The following SAMD12 variants were observed in gnomAD, a reference collection of about 807,000 sequenced individuals.
SAMD12 encodes the protein sterile alpha motif domain-containing protein 12.
Under a neutral mutation model 15.0 loss-of-function variants are expected in SAMD12, and 9 were observed. The observed-to-expected ratio is 0.60, with a 90% CI of 0.36 to 1.05. The LOEUF is 1.05. Among genes scored for constraint, SAMD12 ranks in the 50% least tolerant of loss-of-function variants. SAMD12 has a pLI of 0.01. For missense variants in SAMD12, 230 were observed against 234.2 expected (o/e 0.98, Z 0.12); for synonymous variants, 86 against 90.1 (o/e 0.96, Z 0.25).
the SAMD12 span, among the ~76,000 whole-genome samples, chr8:118,143,775 A>G: frequency 6.6e-6 from 1 of 152,284 alleles, no homozygotes; most frequent in African/African-American, 2.4e-5. Flanking sequence ...ATATCCTAAC[A>G]TGCCATAGAA....
chr8:118,256,814 A>G (rs903252556), intron 4 of SAMD12, among the ~76,000 whole-genome samples: 1 of 148,302 alleles, frequency 6.7e-6, no homozygotes, highest in African/African-American at 2.6e-5. Flanking sequence ...ACACACACAC[A>G]CACACACGCA....
At chr8:118,218,675 A>G (rs911538135) in intron 4 of SAMD12, among the ~76,000 whole-genome samples, 2 of 152,174 alleles carry the variant, frequency 1.3e-5, no homozygotes, top group Non-Finnish European at 2.9e-5. Context: ...CTCCAGGTTC[A>G]TCTATGTTAT....
At chr8:118,424,803 C>T (rs1164080334) in intron 3 of SAMD12, among the ~76,000 whole-genome samples, 2 of 152,124 alleles carry the variant, frequency 1.3e-5, no homozygotes, top group East Asian at 3.8e-4. Context: ...ATAAATGACG[C>T]CATCTAAAGG....
chr8:118,135,309 G>A, the SAMD12 span, among the ~76,000 whole-genome samples: 2 of 151,914 alleles, frequency 1.3e-5, no homozygotes, highest in Non-Finnish European at 2.9e-5. Context: ...AGCCTCCTGA[G>A]TAGCTGGGAT....
At chr8:118,169,619 T>C in the SAMD12 span, among the ~76,000 whole-genome samples, 3 of 152,206 alleles carry the variant, frequency 2.0e-5, no homozygotes, top group Non-Finnish European at 4.4e-5. Context: ...TGCACCAATG[T>C]TATGTGCAGA....
At chr8:118,150,676 T>C in the SAMD12 span, among the ~76,000 whole-genome samples, 2 of 152,206 alleles carry the variant, frequency 1.3e-5, no homozygotes, top group Non-Finnish European at 2.9e-5. Flanking sequence ...GACATTATTA[T>C]TGTTGCTTTA....
chr8:118,553,852 C>T (rs1437935742), intron 2 of SAMD12, among the ~76,000 whole-genome samples: 30 of 147,390 alleles, frequency 2.0e-4, no homozygotes, highest in Non-Finnish European at 3.8e-4. Context: ...AACAAACAAC[C>T]CCATCAAAAA....
the SAMD12 span, among the ~76,000 whole-genome samples, chr8:118,152,299 C>A: frequency 6.6e-6 from 1 of 152,126 alleles, no homozygotes; most frequent in African/African-American, 2.4e-5. Context: ...ACCACCCCCA[C>A]CAAAAAGTAA....
At chr8:118,484,891 T>C (rs969565523) in intron 2 of SAMD12, among the ~76,000 whole-genome samples, 1 of 152,178 alleles carries the variant, frequency 6.6e-6, no homozygotes, top group Non-Finnish European at 1.5e-5. Context: ...TTATGAAATA[T>C]TTGCTCTGGG....
chr8:118,157,519 A>G, the SAMD12 span, among the ~76,000 whole-genome samples: 1 of 152,178 alleles, frequency 6.6e-6, no homozygotes, highest in African/African-American at 2.4e-5. Flanking sequence ...CATGTGAAAA[A>G]CATTTATATT....
chr8:118,523,083 T>C (rs1293070882), intron 2 of SAMD12, among the ~76,000 whole-genome samples: 1 of 152,202 alleles, frequency 6.6e-6, no homozygotes, highest in Non-Finnish European at 1.5e-5. Flanking sequence ...ATATTTCATA[T>C]CTGAAAATAG....
chr8:118,379,617 G>T lies in SAMD12; in HGVS notation c.406C>A (p.Gln136Lys), dbSNP rs781327700. 14 of 1,613,840 alleles carry T rather than the reference G, an allele frequency of 8.7e-6. No individual in the cohort carries two copies. In the Admixed American group the frequency reaches 2.0e-4, roughly 23 times the overall value. ...QENLRQHILQ[Q>K]VLQLKVREEV... ...TCTCGCACCTTCAGCTGGAGCACCTGTTGTAAGATGTGCTGCCGGAGGTTC... is the reference window on the plus strand; with the variant it reads ...TCTCGCACCTTCAGCTGGAGCACCTTTTGTAAGATGTGCTGCCGGAGGTTC... The change falls in exon 4 of 4, where the codon CAG becomes AAG. Residue 136 changes from glutamine to lysine, a missense_variant. Physicochemically the swap from Gln to Lys is moderately conservative, Grantham distance 53. Coordinates refer to ENST00000314727, the MANE Select transcript of SAMD12 (RefSeq NM_207506.3).
At chr8:118,567,029 CA>C in intron 2 of SAMD12, among the ~76,000 whole-genome samples, 1 of 152,094 alleles carries the variant, frequency 6.6e-6, no homozygotes, top group East Asian at 1.9e-4. Context: ...AAGGTGATAG[CA>C]AAAATAACAA....
intron 4 of SAMD12, among the ~76,000 whole-genome samples, chr8:118,278,690 C>T (rs1422026397): frequency 3.3e-5 from 5 of 152,164 alleles, no homozygotes; most frequent in African/African-American, 1.2e-4. Context: ...ACTCTCAAGC[C>T]ATATGAGAAG....
intron 3 of SAMD12, among the ~76,000 whole-genome samples, chr8:118,403,894 A>G (rs1820989949): frequency 6.6e-6 from 1 of 152,224 alleles, no homozygotes; most frequent in Non-Finnish European, 1.5e-5. Context: ...AGGTATTTCC[A>G]TATCTTTGCA....
intron 2 of SAMD12, among the ~76,000 whole-genome samples, chr8:118,578,722 A>G (rs571627971): frequency 9.9e-5 from 15 of 152,120 alleles, no homozygotes; most frequent in Non-Finnish European, 2.1e-4. Context: ...AGTAATTTTA[A>G]CTGTTCCCCC....
intron 2 of SAMD12, among the ~76,000 whole-genome samples, chr8:118,447,916 G>A (rs1288889407): frequency 1.3e-5 from 2 of 151,314 alleles, no homozygotes; most frequent in Non-Finnish European, 2.9e-5. Context: ...TTTTAGTAGA[G>A]ACGGGGTTTC....
chr8:118,478,680 C>T (rs562770952), intron 2 of SAMD12, among the ~76,000 whole-genome samples: 1 of 152,322 alleles, frequency 6.6e-6, no homozygotes, highest in South Asian at 2.1e-4. Flanking sequence ...CTGCTATTCA[C>T]CACCACTCTG....
intron 4 of SAMD12, among the ~76,000 whole-genome samples, chr8:118,287,129 T>A (rs201357077): frequency 1.0e-5 from 1 of 98,430 alleles, no homozygotes; most frequent in African/African-American, 3.0e-5. Flanking sequence ...AATATTTTTT[T>A]TTTTTTTTTT....
Sources: allele counts gnomAD v4.1 joint callset (sites outside exome capture counted in the v4.1 genomes callset), GRCh38; gene constraint gnomAD v4.1.1; transcripts MANE v1.5; gene names NCBI Gene and HGNC (gene_info 2026-07-23, HGNC 2026-07-21).